The following IGF2 variants were observed in gnomAD, a reference collection of about 807,000 sequenced individuals.
IGF2 encodes the protein insulin like growth factor 2.
Under a neutral mutation model 12.0 loss-of-function variants are expected in IGF2, and 2 were observed. The ratio of observed to expected loss-of-function variants is 0.17; its 90% CI spans 0.07 to 0.52. The LOEUF is 0.52. IGF2 is among the 20% of genes least tolerant of loss of function. The pLI, the probability that IGF2 is intolerant of heterozygous loss-of-function variation, is 0.95. For synonymous variants in IGF2, 105 were observed against 110.1 expected, an observed-to-expected ratio of 0.95 and a Z score of 0.29; for missense variants, 211 against 268.0, an observed-to-expected ratio of 0.79 and a Z score of 1.48.
chr11:2,142,807 C>T (rs1335547565), upstream of IGF2, among the ~76,000 whole-genome samples: 1 of 152,202 alleles, frequency 6.6e-6, no homozygotes, highest in Non-Finnish European at 1.5e-5. This position sits in a 1 kb window ranked among gnomAD's most constrained non-coding sequence, Gnocchi z 5.7. Context: ...TAAAAGTAGG[C>T]TCTGCCCAAG....
upstream of IGF2, chr11:2,140,526 G>T (rs1590131367): frequency 1.8e-6 from 1 of 541,948 alleles, no homozygotes; most frequent in South Asian, 2.1e-5. Flanking sequence ...AGGCCCGCGG[G>T]CTAGAGGCAC....
chr11:2,149,288 G>A, the IGF2 span: 1 of 1,613,622 alleles, frequency 6.2e-7, no homozygotes, highest in Admixed American at 1.7e-5. Context: ...TGCCCTGGCT[G>A]TGGCGTCCAG....
the IGF2 span, chr11:2,148,774 T>A: frequency 1.7e-5 from 5 of 290,868 alleles, no homozygotes; most frequent in Non-Finnish European, 3.2e-5. This position sits in a 1 kb window ranked among gnomAD's most constrained non-coding sequence, Gnocchi z 4.3. Context: ...CCTTTCACAC[T>A]TGTGAAGACA....
At position 2,138,703 on chromosome 11, in the gene IGF2, AGGGGGGGAGGGAGTCGGAGGCTAGGAGCT is replaced by A; in HGVS notation, c.-510_-482del. The A allele has an allele frequency of 4.6e-6, 1 of 217,798 alleles. No individual in the cohort carries two copies. The highest frequency in any genetic ancestry group is 5.5e-6 in the Non-Finnish European group (1 of 182,402). The allele number at this position is 217,798 out of a possible 1,614,324, so 13.5% of individuals were successfully genotyped here. A position where few individuals can be genotyped will look rare whatever the true frequency, so the allele number is the denominator to read the frequency against. ...CGGCGAAGGCGAGAGGGCGGGCGTGAGGGGGGGAGGGAGTCGGAGGCTAGGAGCTGGGGGGGACGGGAGGGAGCGAAGGG... is the reference window on the plus strand; with the variant it reads ...CGGCGAAGGCGAGAGGGCGGGCGTGAGGGGGGGACGGGAGGGAGCGAAGGG... On this transcript the variant is annotated 5_prime_UTR_variant, in exon 1 of 4. Coordinates refer to ENST00000416167, the MANE Select transcript of IGF2 (RefSeq NM_000612.6).
rs1181877729 is a variant in IGF2, at chr11:2,138,178, G to C, written c.-7+51C>G. The C allele has an allele frequency of 5.1e-6, 5 of 976,712 alleles. No homozygotes were observed. In the South Asian group the frequency reaches 1.4e-4, roughly 28 times the overall value. 60.5% of individuals were successfully genotyped at this position (976,712 alleles called of 1,614,324 possible). On this transcript the variant is annotated intron_variant, in intron 1 of 3. Coordinates refer to ENST00000416167, the MANE Select transcript of IGF2 (RefSeq NM_000612.6). ...AGGAAGGGCCGGGCGTCCGGCGCAA[G>C]CCCGCGCCGCCCCAGCCCCGGCCCC...
chr11:2,140,056 G>C, upstream of IGF2: 1 of 1,411,056 alleles, frequency 7.1e-7, no homozygotes, highest in Non-Finnish European at 9.5e-7. Context: ...GGCCGAATCT[G>C]GGCCAGGCTT....
Position 2,129,181 on chromosome 11 carries a change from G to A in IGF2, c.*3806C>T. ...AAGGTTAAAGACAAAACCCAAGCATGGGATTTTGCCGGAAATATTAGCGTT... is the reference window on the plus strand; with the variant it reads ...AAGGTTAAAGACAAAACCCAAGCATAGGATTTTGCCGGAAATATTAGCGTT... On this transcript the variant is annotated 3_prime_UTR_variant, in exon 4 of 4. Transcript: ENST00000416167. The surrounding 1 kb of genome is among the most constrained non-coding windows in gnomAD (Gnocchi z 8.1). 5.2e-6 allele frequency: 1 copy of A among 191,758 alleles called. No homozygotes were observed. Among genetic ancestry groups the A allele is most frequent in the Non-Finnish European group, 1.1e-5 (1 of 91,512 alleles). 11.9% of individuals were successfully genotyped at this position (191,758 alleles called of 1,614,324 possible). A position where few individuals can be genotyped will look rare whatever the true frequency, so the allele number is the denominator to read the frequency against.
chr11:2,135,498 A>G lies in IGF2; in HGVS notation c.26T>C (p.Met9Thr), dbSNP rs1858943636. 2.5e-6 allele frequency: 4 copies of G among 1,613,532 alleles called. No individual in the cohort carries two copies. Among genetic ancestry groups the G allele is most frequent in the African/African-American group, 1.3e-5 (1 of 74,934 alleles). The change falls in exon 2 of 4, where the codon ATG (methionine) becomes ACG (threonine). Residue 9 changes from methionine (M) to threonine (T), a missense_variant. Transcript: ENST00000416167. Reference protein sequence around the residue: MGIPMGKSMLVLLTFLAFA... With the variant: MGIPMGKSTLVLLTFLAFA... ...GGCCAAGAAGGTGAGAAGCACCAGC[A>G]TCGACTTCCCCATTGGGATTCCCAT...
chr11:2,147,222 C>T, the IGF2 span: 1 of 204,046 alleles, frequency 4.9e-6, no homozygotes, highest in African/African-American at 2.3e-5. This position sits in a 1 kb window ranked among gnomAD's most constrained non-coding sequence, Gnocchi z 7.2. Flanking sequence ...TTCCCTTTTT[C>T]CCTCTCTACC....
chr11:2,148,927 CA>C, the IGF2 span: 1 of 602,128 alleles, frequency 1.7e-6, no homozygotes, highest in African/African-American at 1.9e-5. The surrounding 1 kb of genome is among the most constrained non-coding windows in gnomAD (Gnocchi z 4.3). Flanking sequence ...ACCCTCTCCA[CA>C]ATGGCCTTTC....
chr11:2,136,326 C>A (rs1300687069), intron 1 of IGF2, among the ~76,000 whole-genome samples: 4 of 152,274 alleles, frequency 2.6e-5, no homozygotes, highest in Non-Finnish European at 5.9e-5. Context: ...GGCCAGGGGC[C>A]TCCAGAACAT....
chr11:2,144,252 C>T (rs930452115), upstream of IGF2, among the ~76,000 whole-genome samples: 6 of 152,278 alleles, frequency 3.9e-5, no homozygotes, highest in Admixed American at 1.3e-4. Flanking sequence ...GCTCGGTCCC[C>T]GCGTGGGAGG....
intron 2 of IGF2, among the ~76,000 whole-genome samples, chr11:2,134,964 G>T (rs1302550416): frequency 6.6e-6 from 1 of 152,304 alleles, no homozygotes; most frequent in South Asian, 2.1e-4. Flanking sequence ...ATCATTCACC[G>T]AACGCACGTC....
rs1564889459 is a variant in IGF2 at position 2,130,086 on chromosome 11, G to C, written c.*2901C>G. ...GAGGGGCGGGCAAGATGTCACCGAG[G>C]GAGAGGGGAGGGTTCCTCAAGTGTG... On this transcript the variant is annotated 3_prime_UTR_variant, in exon 4 of 4. Coordinates refer to ENST00000416167, the MANE Select transcript of IGF2 (RefSeq NM_000612.6). 4.3e-6 allele frequency: 1 copy of C among 230,048 alleles called. No individual in the cohort carries two copies. Among genetic ancestry groups the C allele is most frequent in the Non-Finnish European group, 8.6e-6 (1 of 116,128 alleles). The allele number at this position is 230,048 out of a possible 1,614,324, so 14.3% of individuals were successfully genotyped here.
the IGF2 span, chr11:2,149,432 C>G: frequency 1.8e-6 from 2 of 1,129,344 alleles, no homozygotes; most frequent in South Asian, 2.6e-5. Flanking sequence ...AGCATGGCAC[C>G]TGCTCAAATG....
intron 1 of IGF2, among the ~76,000 whole-genome samples, chr11:2,135,855 C>CA (rs1453127104): frequency 6.6e-6 from 1 of 152,202 alleles, no homozygotes; most frequent in Non-Finnish European, 1.5e-5. Context: ...TCCACAGCTG[C>CA]AGGGGCCCAG....
rs1162522379 is a variant in IGF2, at chr11:2,129,485, G to A, written c.*3502C>T. 11 of 228,758 alleles carry A rather than the reference G, an allele frequency of 4.8e-5. No individual in the cohort carries two copies. The South Asian group carries it at 1.3e-3, about 27-fold the overall frequency. 14.2% of individuals were successfully genotyped at this position (228,758 alleles called of 1,614,324 possible). A position where few individuals can be genotyped will look rare whatever the true frequency, so the allele number is the denominator to read the frequency against. On this transcript the variant is annotated 3_prime_UTR_variant, in exon 4 of 4. Coordinates refer to ENST00000416167, the MANE Select transcript of IGF2 (RefSeq NM_000612.6). This position sits in a 1 kb window ranked among gnomAD's most constrained non-coding sequence, Gnocchi z 8.1. ...AAGGGGCTGGTCGGCAAGTGCCCCC[G>A]GGAACACCCACTCCGGCGAGGCAGA...
rs1326298478 is a variant in IGF2 at position 2,131,858 on chromosome 11, G to A, written c.*1129C>T. On this transcript the variant is annotated 3_prime_UTR_variant, in exon 4 of 4. Coordinates refer to ENST00000416167, the MANE Select transcript of IGF2 (RefSeq NM_000612.6). ...GTTTGTGTGCTGTGTGCTCGTGTGTGTGCTGTGTGTGCGTGTGTGCTGTGC... is the reference window on the plus strand; with the variant it reads ...GTTTGTGTGCTGTGTGCTCGTGTGTATGCTGTGTGTGCGTGTGTGCTGTGC... 22 of 192,208 alleles carry A rather than the reference G, an allele frequency of 1.1e-4. No individual in the cohort carries two copies. The East Asian group carries it at 1.7e-3, about 15-fold the overall frequency. 11.9% of individuals were successfully genotyped at this position (192,208 alleles called of 1,614,324 possible). A position where few individuals can be genotyped will look rare whatever the true frequency, so the allele number is the denominator to read the frequency against.
chr11:2,144,375 G>A (rs1032834968), upstream of IGF2, among the ~76,000 whole-genome samples: 7 of 137,150 alleles, frequency 5.1e-5, no homozygotes, highest in Admixed American at 5.0e-4. Context: ...TGGCTTGGGG[G>A]CCCGGAGCAC....
Sources: gnomAD v4.1 joint callset for allele counts (sites outside exome capture counted in the v4.1 genomes callset) on GRCh38, gnomAD v4.1.1 for gene constraint, Gnocchi (gnomAD v3.1) non-coding constraint, MANE v1.5 for transcripts, NCBI Gene and HGNC (gene_info 2026-07-23, HGNC 2026-07-21) for gene names.